Variants in PCDH9 observed in about 807,000 individuals in gnomAD.
PCDH9 encodes the protein protocadherin-9.
Under a neutral mutation model 70.6 loss-of-function variants are expected in PCDH9, and 24 were observed. The ratio of observed to expected loss-of-function variants is 0.34; its 90% CI spans 0.25 to 0.48. PCDH9 has a LOEUF of 0.48. Ranked by LOEUF, PCDH9 falls within the 20% of genes least tolerant of loss-of-function variation. The pLI is 0.99. For synonymous variants in PCDH9, 562 were observed against 558.5 expected (o/e 1.01, Z -0.09); for missense variants, 1,281 against 1,503.6 (o/e 0.85, Z 2.45).
At chr13:66,846,430 T>C (rs9317618) in intron 3 of PCDH9, among the ~76,000 whole-genome samples, 48,172 of 152,014 alleles carry the variant, frequency 0.32, 8,049 homozygotes, top group Non-Finnish European at 0.37. Flanking sequence ...GTTGACCAGA[T>C]GTTTTTTTAG....
intron 2 of PCDH9, among the ~76,000 whole-genome samples, chr13:67,029,273 G>C (rs993961938): frequency 7.9e-5 from 12 of 152,072 alleles, no homozygotes; most frequent in African/African-American, 2.9e-4. Context: ...TAAGAAGTAT[G>C]AGAAAAATAT....
intron 3 of PCDH9, among the ~76,000 whole-genome samples, chr13:66,759,815 G>A (rs1279025934): frequency 1.6e-5 from 2 of 128,998 alleles, no homozygotes; most frequent in Non-Finnish European, 3.4e-5. Flanking sequence ...ACAAATTATT[G>A]TGGTTATTAA....
chr13:66,447,363 A>G (rs371255098), intron 4 of PCDH9, among the ~76,000 whole-genome samples: 1 of 152,066 alleles, frequency 6.6e-6, no homozygotes, highest in East Asian at 1.9e-4. Flanking sequence ...TATACTGTTC[A>G]TAATAAACTG....
chr13:66,857,339 A>G (rs1033686903), intron 3 of PCDH9, among the ~76,000 whole-genome samples: 1 of 152,160 alleles, frequency 6.6e-6, no homozygotes, highest in Non-Finnish European at 1.5e-5. Context: ...CCATTGGTAC[A>G]TTTGGTTTAC....
intron 4 of PCDH9, among the ~76,000 whole-genome samples, chr13:66,357,102 A>T (rs1196096889): frequency 1.3e-5 from 2 of 152,056 alleles, no homozygotes. Context: ...GAGAAGCATG[A>T]TATGATTATA....
chr13:67,002,646 C>T lies in PCDH9; in HGVS notation c.3037-99041G>A, dbSNP rs28528773. Reference sequence around the variant, plus strand: ...TTTGTTTCCAAACAGTACTGATGTGCTAAATCTAATTTCTCAGAACTTAAC... The same window carrying T: ...TTTGTTTCCAAACAGTACTGATGTGTTAAATCTAATTTCTCAGAACTTAAC... On this transcript the variant is annotated intron_variant, in intron 2 of 4. Coordinates refer to ENST00000377865, the MANE Select transcript of PCDH9 (RefSeq NM_203487.3). Among the ~76,000 whole-genome samples the T allele has an allele frequency of 4.1e-3, 625 of 151,738 alleles. 4 individuals carry two copies. Among genetic ancestry groups the T allele is most frequent in the African/African-American group, 0.014 (592 of 41,474 alleles).
intron 4 of PCDH9, among the ~76,000 whole-genome samples, chr13:66,401,770 TG>T (rs202051608): frequency 1.7e-5 from 2 of 120,258 alleles, no homozygotes; most frequent in Admixed American, 1.8e-4. Context: ...GTGTACCTCC[TG>T]CCCAACTACT....
intron 3 of PCDH9, among the ~76,000 whole-genome samples, chr13:66,718,092 TC>T (rs1772533306): frequency 6.6e-6 from 1 of 152,210 alleles, no homozygotes. Context: ...AACATGTGTC[TC>T]TCACTACTGT....
chr13:67,095,967 A>G (rs2086310921), intron 2 of PCDH9, among the ~76,000 whole-genome samples: 1 of 152,196 alleles, frequency 6.6e-6, no homozygotes, highest in East Asian at 1.9e-4. Context: ...ACTCAAGACT[A>G]GAACAGAATG....
intron 2 of PCDH9, among the ~76,000 whole-genome samples, chr13:66,967,794 A>T (rs1211241214): frequency 6.6e-6 from 1 of 152,030 alleles, no homozygotes; most frequent in Non-Finnish European, 1.5e-5. Flanking sequence ...TAATTAGAAG[A>T]TTTGGGGTGG....
chr13:66,720,501 C>T (rs1348940715), intron 3 of PCDH9, among the ~76,000 whole-genome samples: 1 of 151,656 alleles, frequency 6.6e-6, no homozygotes. Context: ...ATCTAGTAGA[C>T]AATGTAAAAA....
chr13:66,758,764 G>A (rs1287879689), intron 3 of PCDH9, among the ~76,000 whole-genome samples: 2 of 151,980 alleles, frequency 1.3e-5, no homozygotes, highest in Non-Finnish European at 2.9e-5. Context: ...GCTTTTCTCT[G>A]ATGGAAGACT....
intron 2 of PCDH9, among the ~76,000 whole-genome samples, chr13:67,068,088 G>A (rs151178989): frequency 0.014 from 2,144 of 152,054 alleles, 22 homozygotes; most frequent in South Asian, 0.026. Flanking sequence ...AATATAAGTC[G>A]ATGCTAAATG....
intron 3 of PCDH9, among the ~76,000 whole-genome samples, chr13:66,652,670 C>T (rs1365378797): frequency 4.0e-5 from 6 of 151,702 alleles, no homozygotes; most frequent in Admixed American, 1.3e-4. Flanking sequence ...ATTACCCAAA[C>T]CAATCCTGAG....
At chr13:67,017,101 A>G (rs968912432) in intron 2 of PCDH9, among the ~76,000 whole-genome samples, 4 of 152,206 alleles carry the variant, frequency 2.6e-5, no homozygotes, top group Non-Finnish European at 5.9e-5. Flanking sequence ...TGATACATCG[A>G]GCAAATGTGT....
intron 3 of PCDH9, among the ~76,000 whole-genome samples, chr13:66,792,397 C>A (rs954871284): frequency 2.6e-5 from 4 of 152,058 alleles, no homozygotes; most frequent in African/African-American, 4.8e-5. Context: ...GGGCCAGGCA[C>A]GGTGGCTCAT....
intron 4 of PCDH9, among the ~76,000 whole-genome samples, chr13:66,360,436 T>C (rs1956451027): frequency 6.6e-6 from 1 of 152,138 alleles, no homozygotes; most frequent in African/African-American, 2.4e-5. Context: ...AATATGCCTA[T>C]TCTCTACTAA....
chr13:66,631,258 A>C lies in PCDH9; in HGVS notation c.3292T>G (p.Ser1098Ala). The change falls in exon 4 of 5, where the codon TCT becomes GCT. Residue 1098 changes from serine (S) to alanine (A), a missense_variant. By Grantham distance (99) the Ser-to-Ala change is moderately conservative. Around this residue, in one of 4 missense-constraint regions of PCDH9, gnomAD observed 264 missense variants for 278.8 expected, o/e 0.95. Transcript: ENST00000377865. ...QPQDEFYDQA[S>A]PDKRTEADGN... The stretch of plus-strand genomic sequence containing the variant: ...TCTGCTTCAGTCCTCTTGTCCGGAG[A>C]GGCCTGGTCATAGAATTCGTCCTGT... 1.2e-6 allele frequency: 2 copies of C among 1,611,452 alleles called. No individual in the cohort carries two copies. Among genetic ancestry groups the C allele is most frequent in the Non-Finnish European group, 1.7e-6 (2 of 1,177,568 alleles).
At chr13:67,159,966 A>T (rs185329964) in intron 2 of PCDH9, among the ~76,000 whole-genome samples, 1 of 152,250 alleles carries the variant, frequency 6.6e-6, no homozygotes, top group Admixed American at 6.5e-5. Context: ...GCAACTATGC[A>T]AATGAAGAAA....
Sources: gnomAD v4.1 joint callset for allele counts (sites outside exome capture counted in the v4.1 genomes callset) on GRCh38, gnomAD v4.1.1 for gene constraint, gnomAD v4.1.1 regional missense constraint, MANE v1.5 for transcripts, NCBI Gene and HGNC (gene_info 2026-07-23, HGNC 2026-07-21) for gene names.